GFM2: variants seen among roughly 807,000 people sequenced by gnomAD.
The protein encoded by GFM2 is ribosome-releasing factor 2, mitochondrial.
Under a neutral mutation model 95.4 loss-of-function variants are expected in GFM2, and 72 were observed. The ratio of observed to expected loss-of-function variants is 0.76; its 90% CI spans 0.62 to 0.92. The LOEUF (loss-of-function observed/expected upper bound fraction) is 0.92. Ranked by LOEUF, GFM2 falls within the 40% of genes least tolerant of loss-of-function variation. GFM2 has a pLI of 0.00. For synonymous variants in GFM2, 276 were observed against 317.5 expected, an observed-to-expected ratio of 0.87 and a Z score of 1.39; for missense variants, 825 against 924.1, an observed-to-expected ratio of 0.89 and a Z score of 1.39.
At position 74,738,611 on chromosome 5, in the gene GFM2, C is replaced by A; in HGVS notation, c.1111G>T (p.Ala371Ser). The change falls in exon 13 of 21, where the codon GCA becomes TCA. Residue 371 changes from alanine (A) to serine (S), a missense_variant. By Grantham distance (99) the Ala-to-Ser change is moderately conservative (BLOSUM62 1). Transcript: ENST00000296805. Reference protein sequence around the residue: ...QWYKDDLCALAFKVLHDKQRG... With the variant: ...QWYKDDLCALSFKVLHDKQRG... ...TGCTTGTCATGGAGAACTTTAAATG[C>A]CAATGCACATAAGTCATCCTTATAC... 1 of 1,613,224 alleles carries A rather than the reference C, an allele frequency of 6.2e-7. No individual in the cohort carries two copies. Among genetic ancestry groups the A allele is most frequent in the South Asian group, 1.1e-5 (1 of 91,000 alleles).
intron 15 of GFM2, among the ~76,000 whole-genome samples, chr5:74,734,947 G>C (rs1284344086): frequency 1.3e-5 from 2 of 152,104 alleles, no homozygotes; most frequent in East Asian, 1.9e-4. Context: ...AAACTGGCTG[G>C]TGCAATTTCA....
intron 18 of GFM2, 88 bp from the exon 19 acceptor site, chr5:74,725,843 TA>T: frequency 6.9e-7 from 1 of 1,446,228 alleles, no homozygotes; most frequent in Non-Finnish European, 9.7e-7. Context: ...GAGAAAACAC[TA>T]ACAAAGTTAG....
chr5:74,728,867 T>C (rs1750283079), intron 17 of GFM2, among the ~76,000 whole-genome samples: 1 of 146,572 alleles, frequency 6.8e-6, no homozygotes, highest in African/African-American at 2.5e-5. Context: ...GCAATTCTCC[T>C]GCCTCATCCT....
rs193007628 is a variant in GFM2 at position 74,754,206 on chromosome 5, A to T, written c.305-2713T>A. ...GCAAGCCAGCACTACAAGAACTACT[A>T]AAAGCAGCTCTAAATCCTGAAACAA... is the stretch of plus-strand genomic sequence containing the variant. On this transcript the variant is annotated intron_variant, in intron 5 of 20. Transcript: ENST00000296805. Among the ~76,000 whole-genome samples, 149 of 152,244 alleles carry T rather than the reference A, an allele frequency of 9.8e-4. No individual in the cohort carries two copies. In the East Asian group the frequency reaches 0.023, roughly 24 times the overall value.
chr5:74,745,056 AG>A (rs1469103648), intron 10 of GFM2, among the ~76,000 whole-genome samples: 20 of 152,226 alleles, frequency 1.3e-4, no homozygotes, highest in African/African-American at 4.8e-4. Flanking sequence ...AAAGCAAATG[AG>A]GCCCGGCGCA....
chr5:74,730,474 G>A (rs1009942846), intron 16 of GFM2, 76 bp from the exon 17 acceptor site: 3 of 920,112 alleles, frequency 3.3e-6, no homozygotes, highest in African/African-American at 3.5e-5. Context: ...AAAGTATGAT[G>A]TTAATACATA....
chr5:74,722,030 C>T (rs1749914089), intron 20 of GFM2, among the ~76,000 whole-genome samples: 1 of 152,136 alleles, frequency 6.6e-6, no homozygotes, highest in South Asian at 2.1e-4. Context: ...GCCGGCAACC[C>T]AGGTGCCTGT....
At chr5:74,738,760 A>T in intron 12 of GFM2, 118 bp from the exon 13 acceptor site, 1 of 864,600 alleles carries the variant, frequency 1.2e-6, no homozygotes, top group Non-Finnish European at 1.7e-6. Context: ...TAGAGCCACT[A>T]AATAATGTCT....
At chr5:74,764,634 T>A (rs1172431665) in intron 1 of GFM2, among the ~76,000 whole-genome samples, 2 of 145,136 alleles carry the variant, frequency 1.4e-5, no homozygotes, top group Admixed American at 1.3e-4. Flanking sequence ...TGATCCATGT[T>A]ATTAAGATAT....
chr5:74,725,658 G>C lies in GFM2; in HGVS notation c.2010C>G (p.Val670=). ...TCTATACCTTTTGCACGCATCTTGAGACACAGGCAGAAATCATAGTTGTGG... is the reference window on the plus strand; with the variant it reads ...TCTATACCTTTTGCACGCATCTTGACACACAGGCAGAAATCATAGTTGTGG... ...GTSTTMISAC[V]SRCVQKALKK... The change falls in exon 19 of 21, where the codon GTC becomes GTG. Residue 670 remains valine (V), a synonymous_variant. Transcript: ENST00000296805. The C allele has an allele frequency of 6.2e-7, 1 of 1,612,526 alleles. No homozygotes were observed. The highest frequency in any genetic ancestry group is 1.1e-5 in the South Asian group (1 of 91,042).
chr5:74,751,533 A>C (rs770890779), intron 5 of GFM2, 40 bp from the exon 6 acceptor site: 1 of 1,522,942 alleles, frequency 6.6e-7, no homozygotes, highest in Non-Finnish European at 9.1e-7. Context: ...TCTTAATAGC[A>C]AGTGTATTTT....
intron 2 of GFM2, among the ~76,000 whole-genome samples, chr5:74,762,818 G>C (rs1744351651): frequency 6.6e-6 from 1 of 152,152 alleles, no homozygotes; most frequent in Non-Finnish European, 1.5e-5. Flanking sequence ...GGATTAAGTG[G>C]GATGGCATGA....
intron 16 of GFM2, 51 bp downstream of exon 16, chr5:74,732,971 C>T (rs1480209400): frequency 3.1e-6 from 3 of 954,134 alleles, no homozygotes; most frequent in Non-Finnish European, 5.1e-6. Context: ...CACACACACA[C>T]ACACACACTC....
chr5:74,755,855 C>T (rs936216123), intron 5 of GFM2, among the ~76,000 whole-genome samples: 4 of 152,122 alleles, frequency 2.6e-5, no homozygotes, highest in African/African-American at 9.7e-5. Context: ...CTAAATCATT[C>T]TATGAAGCCA....
At chr5:74,736,463 A>C (rs914198070) in intron 15 of GFM2, 2 of 985,120 alleles carry the variant, frequency 2.0e-6, no homozygotes, top group Non-Finnish European at 2.4e-6. Flanking sequence ...TGATGATGAC[A>C]AACTGAATTG....
rs752622674 is a variant in GFM2, at chr5:74,740,076, C to T, written c.992G>A (p.Ser331Asn). The change falls in exon 12 of 21, where the codon AGT becomes AAT. Residue 331 changes from serine (S) to asparagine (N), a missense_variant. Physicochemically the swap from Ser to Asn is conservative, Grantham distance 46. Coordinates refer to ENST00000296805, the MANE Select transcript of GFM2 (RefSeq NM_032380.5). ...CTGTATCCCTTTGTTTTTCAGGGCACTTCCACAAAGCACAGGCACTGCTGT... is the reference window on the plus strand; with the variant it reads ...CTGTATCCCTTTGTTTTTCAGGGCATTTCCACAAAGCACAGGCACTGCTGT... The part of the protein sequence containing the change: ...AQTAVPVLCG[S>N]ALKNKGIQPL... 18 of 1,606,972 alleles carry T rather than the reference C, an allele frequency of 1.1e-5. No homozygotes were observed. The South Asian group carries it at 1.9e-4, about 17-fold the overall frequency.
Position 74,722,551 on chromosome 5 carries a change from T to G in GFM2, c.2039A>C (p.Lys680Thr). Residue 680 changes from lysine to threonine, a missense_variant, in exon 20 of 21, where the codon AAA (lysine) becomes ACA (threonine). By Grantham distance (78) the Lys-to-Thr change is moderately conservative. Transcript: ENST00000296805. ...AGGCTCCAAAACTTGCTTATCAGCT[T>G]TCTTCAGAGCCTAAAGAAATTAAAG... ...VSRCVQKALK[K>T]ADKQVLEPLM... 1.2e-6 allele frequency: 2 copies of G among 1,611,660 alleles called. No homozygotes were observed. The highest frequency in any genetic ancestry group is 8.5e-7 in the Non-Finnish European group (1 of 1,179,188).
rs376249756 is a variant in GFM2, at chr5:74,755,602, C to T, written c.304+3247G>A. 1.3e-4 allele frequency among the ~76,000 whole-genome samples: 20 copies of T among 152,176 alleles called. No homozygotes were observed. In the East Asian group the frequency reaches 1.4e-3, roughly 10 times the overall value. On this transcript the variant is annotated intron_variant, in intron 5 of 20. Transcript: ENST00000296805. ...CTCAAAGCTACTATGAACACCTTTA[C>T]GCGCATAAACTAGAAAACCTAGAGG...
At chr5:74,733,134 TTTTTAAATAATTTATTATATGTTC>T in intron 15 of GFM2, 36 bp from the exon 16 acceptor site, 1 of 1,441,832 alleles carries the variant, frequency 6.9e-7, no homozygotes, top group Non-Finnish European at 9.7e-7. Context: ...TACATTTCAT[TTTTTAAATAATTTATTATATGTTC>T]TAGTGGGTAA....
Sources: allele counts gnomAD v4.1 joint callset (sites outside exome capture counted in the v4.1 genomes callset), GRCh38; gene constraint gnomAD v4.1.1; transcripts MANE v1.5; gene names NCBI Gene and HGNC (gene_info 2026-07-23, HGNC 2026-07-21).